The following PTPRT variants were observed in gnomAD, a reference collection of about 807,000 sequenced individuals.
PTPRT encodes protein tyrosine phosphatase receptor type T, also known as receptor-type tyrosine-protein phosphatase T.
PTPRT carries 56 observed loss-of-function variants against 176.8 expected under a neutral mutation model. That is an observed-to-expected ratio of 0.32 (90% CI 0.26 to 0.40). PTPRT has a LOEUF of 0.40. PTPRT is among the 10% of genes least tolerant of loss of function. The probability of loss-of-function intolerance (pLI) is 1.00; values close to 1 mark genes in which losing one functional copy is unlikely to be tolerated. For synonymous variants in PTPRT, 783 were observed against 739.0 expected (o/e 1.06, Z -0.96); for missense variants, 1,540 against 1,908.2 (o/e 0.81, Z 3.60).
intron 9 of PTPRT, among the ~76,000 whole-genome samples, chr20:42,357,843 G>A (rs1327647776): frequency 1.3e-5 from 2 of 152,170 alleles, no homozygotes; most frequent in East Asian, 1.9e-4. Context: ...GAGCCCTGGA[G>A]GTCGAGGCTG....
intron 7 of PTPRT, among the ~76,000 whole-genome samples, chr20:42,648,248 G>T (rs182212797): frequency 1.3e-5 from 2 of 151,676 alleles, no homozygotes; most frequent in East Asian, 3.9e-4. Flanking sequence ...CTTCAATCAA[G>T]GGGTCCTTCA....
At chr20:42,621,763 T>C (rs2074201425) in intron 7 of PTPRT, among the ~76,000 whole-genome samples, 1 of 152,236 alleles carries the variant, frequency 6.6e-6, no homozygotes, top group Admixed American at 6.5e-5. Flanking sequence ...CTGGTGACTC[T>C]CAAATGTCTA....
intron 6 of PTPRT, among the ~76,000 whole-genome samples, chr20:42,710,524 T>C (rs2146197627): frequency 6.6e-6 from 1 of 152,310 alleles, no homozygotes; most frequent in African/African-American, 2.4e-5. Context: ...TGGTGTTATG[T>C]TTGCAAGTGC....
chr20:42,065,530 C>T, the PTPRT span, among the ~76,000 whole-genome samples: 3 of 152,204 alleles, frequency 2.0e-5, no homozygotes, highest in Non-Finnish European at 2.9e-5. Context: ...AACTATACTC[C>T]GTGTGGTGAT....
intron 7 of PTPRT, among the ~76,000 whole-genome samples, chr20:42,629,387 C>T (rs1015290403): frequency 6.6e-5 from 10 of 152,016 alleles, no homozygotes; most frequent in Non-Finnish European, 1.5e-4. Context: ...GCAGAGATAC[C>T]GCAAAGTATC....
In PTPRT at chr20:42,756,509, G is replaced by C; in HGVS notation, c.812C>G (p.Ser271Cys). ...SVSKYRCVIR[S>C]DGGSGVSNYA... ...GTTGGACACACCAGACCCACCATCA[G>C]AGCGGATCACACAGCGGTACTTGCT... The change falls in exon 6 of 31, where the codon TCT becomes TGT. Residue 271 changes from serine to cysteine, a missense_variant. Physicochemically the swap from Ser to Cys is moderately radical, Grantham distance 112 (BLOSUM62 -1). Coordinates refer to ENST00000373187, the MANE Select transcript of PTPRT (RefSeq NM_007050.6). The C allele has an allele frequency of 6.2e-7, 1 of 1,610,600 alleles. No individual in the cohort carries two copies. The highest frequency in any genetic ancestry group is 8.5e-7 in the Non-Finnish European group (1 of 1,177,656).
chr20:42,803,221 G>T (rs561049168), intron 2 of PTPRT, among the ~76,000 whole-genome samples: 4 of 152,330 alleles, frequency 2.6e-5, no homozygotes, highest in South Asian at 2.1e-4. Flanking sequence ...TCCAAGTGTG[G>T]CCCTGAGCCA....
At chr20:43,038,226 C>G (rs141100236) in intron 1 of PTPRT, among the ~76,000 whole-genome samples, 49 of 149,934 alleles carry the variant, frequency 3.3e-4, no homozygotes, top group African/African-American at 1.1e-3. Context: ...GAATTACAAA[C>G]ACATTTCGCC....
intron 15 of PTPRT, among the ~76,000 whole-genome samples, chr20:42,200,695 C>T (rs1003542113): frequency 1.3e-5 from 2 of 152,144 alleles, no homozygotes; most frequent in Non-Finnish European, 2.9e-5. Flanking sequence ...TTCGAAAAAG[C>T]GAACATGGTC....
intron 15 of PTPRT, among the ~76,000 whole-genome samples, chr20:42,226,802 C>T (rs1002899194): frequency 5.9e-5 from 9 of 152,188 alleles, no homozygotes; most frequent in Admixed American, 3.3e-4. Flanking sequence ...GGTATTGCTA[C>T]GGTCTTCTCT....
In PTPRT at chr20:43,189,713, G is replaced by A. The variant is rs768531549; in HGVS notation, c.21C>T (p.Leu7=). 3 of 1,270,098 alleles carry A rather than the reference G, an allele frequency of 2.4e-6. No individual in the cohort carries two copies. Among genetic ancestry groups the A allele is most frequent in the Non-Finnish European group, 3.0e-6 (3 of 1,009,772 alleles). 78.7% of individuals were successfully genotyped at this position (1,270,098 alleles called of 1,614,324 possible). The part of the protein sequence containing the change: MASLAA[L]ALSLLLRLQL... Reference sequence around the variant, plus strand: ...GCAGCCTCAGGAGCAGGCTGAGGGCGAGCGCGGCGAGGCTCGCCATCCGGG... The same window carrying A: ...GCAGCCTCAGGAGCAGGCTGAGGGCAAGCGCGGCGAGGCTCGCCATCCGGG... Residue 7 remains leucine, a synonymous_variant, in exon 1 of 31, where the codon CTC becomes CTT. Coordinates refer to ENST00000373187, the MANE Select transcript of PTPRT (RefSeq NM_007050.6). This position sits in a 1 kb window ranked among gnomAD's most constrained non-coding sequence, Gnocchi z 5.0.
chr20:42,315,157 C>A (rs546178225), intron 12 of PTPRT, among the ~76,000 whole-genome samples: 20 of 65,666 alleles, frequency 3.0e-4, no homozygotes, highest in Admixed American at 2.4e-3. Context: ...CGCAGTCCGG[C>A]CTGGGCGACA....
intron 1 of PTPRT, among the ~76,000 whole-genome samples, chr20:43,081,026 G>A (rs548079658): frequency 2.0e-5 from 3 of 152,190 alleles, no homozygotes; most frequent in Non-Finnish European, 2.9e-5. Context: ...TTTTTAATAC[G>A]ATGTTAGATT....
intron 7 of PTPRT, among the ~76,000 whole-genome samples, chr20:42,649,473 C>T (rs1335933009): frequency 1.3e-5 from 2 of 152,138 alleles, no homozygotes; most frequent in Non-Finnish European, 2.9e-5. Flanking sequence ...TCTCTCTTTG[C>T]TCACCTATAA....
At chr20:42,774,926 T>G (rs1228263613) in intron 4 of PTPRT, among the ~76,000 whole-genome samples, 1 of 152,134 alleles carries the variant, frequency 6.6e-6, no homozygotes, top group African/African-American at 2.4e-5. Flanking sequence ...CCCTCCTTTT[T>G]CCATGCCCCC....
At chr20:42,928,245 T>A (rs1184221275) in intron 1 of PTPRT, among the ~76,000 whole-genome samples, 1 of 152,264 alleles carries the variant, frequency 6.6e-6, no homozygotes, top group Non-Finnish European at 1.5e-5. Flanking sequence ...TGAAGAGCTT[T>A]GAATTTTAAT....
intron 1 of PTPRT, among the ~76,000 whole-genome samples, chr20:42,911,976 CTTTTTTTTT>C (rs11475084): frequency 8.0e-6 from 1 of 124,322 alleles, no homozygotes; most frequent in Admixed American, 8.6e-5. Flanking sequence ...ATCCTCTTTT[CTTTTTTTTT>C]TTTTTTTTTG....
At chr20:42,422,392 T>C (rs111624652) in intron 9 of PTPRT, among the ~76,000 whole-genome samples, 3,199 of 151,550 alleles carry the variant, frequency 0.021, 121 homozygotes, top group African/African-American at 0.072. Context: ...GGGCAAAAAA[T>C]ATGAGCAGAC....
Position 42,614,430 on chromosome 20 carries a change from T to C in PTPRT, c.1153+63436A>G, listed in dbSNP as rs111425595. Among the ~76,000 whole-genome samples, 658 of 152,260 alleles carry C rather than the reference T, an allele frequency of 4.3e-3. 6 individuals carry two copies. The highest frequency in any genetic ancestry group is 0.015 in the African/African-American group (619 of 41,546). On this transcript the variant is annotated intron_variant, in intron 7 of 30. Transcript: ENST00000373187. ...CCTTGTACCAATCCAACCACAACTTTCTTTGAACCTATGCCCCAATCAGGG... is the reference window on the plus strand; with the variant it reads ...CCTTGTACCAATCCAACCACAACTTCCTTTGAACCTATGCCCCAATCAGGG...
Sources: allele counts gnomAD v4.1 joint callset (sites outside exome capture counted in the v4.1 genomes callset), GRCh38; gene constraint gnomAD v4.1.1; non-coding constraint Gnocchi (gnomAD v3.1); transcripts MANE v1.5; gene names NCBI Gene and HGNC (gene_info 2026-07-23, HGNC 2026-07-21).